Variants in CADPS2 observed in about 807,000 individuals in gnomAD.
CADPS2 encodes calcium dependent secretion activator 2, also known as calcium-dependent secretion activator 2.
Under a neutral mutation model 172.5 loss-of-function variants are expected in CADPS2, and 93 were observed. The ratio of observed to expected loss-of-function variants is 0.54; its 90% confidence interval spans 0.46 to 0.64. The LOEUF is 0.64. CADPS2 is among the 30% of genes least tolerant of loss of function. The pLI is 0.00. For synonymous variants in CADPS2, 546 were observed against 555.2 expected (o/e 0.98, Z 0.23); for missense variants, 1,420 against 1,565.9 (o/e 0.91, Z 1.57).
intron 2 of CADPS2, chr7:122,702,387 T>A: frequency 6.2e-7 from 1 of 1,613,812 alleles, no homozygotes; most frequent in Non-Finnish European, 8.5e-7. Context: ...TTTGCTCCCT[T>A]CTCTGCTGCC....
At chr7:122,697,665 T>C in intron 2 of CADPS2, 2 of 779,626 alleles carry the variant, frequency 2.6e-6, no homozygotes, top group South Asian at 2.2e-5. Flanking sequence ...ACAAAGAATG[T>C]ATAAAATTAC....
chr7:122,594,105 A>G (rs73218235), intron 6 of CADPS2, among the ~76,000 whole-genome samples: 31,753 of 151,924 alleles, frequency 0.21, 3,510 homozygotes, highest in East Asian at 0.36. Context: ...ATTTTTTATT[A>G]TGATGGAAAG....
intron 2 of CADPS2, among the ~76,000 whole-genome samples, chr7:122,666,352 T>TTTC (rs1305016350): frequency 6.6e-6 from 1 of 150,808 alleles, no homozygotes; most frequent in Non-Finnish European, 1.5e-5. Flanking sequence ...AACACTTTTT[T>TTTC]TTTTTTTTTG....
intron 3 of CADPS2, among the ~76,000 whole-genome samples, chr7:122,639,267 A>T (rs1268756285): frequency 7.2e-5 from 11 of 152,184 alleles, no homozygotes; most frequent in African/African-American, 1.2e-4. Context: ...TGAGTTTTTT[A>T]AATTTATTTT....
At chr7:122,413,872 A>C (rs2047591975) in intron 19 of CADPS2, among the ~76,000 whole-genome samples, 196 bp downstream of exon 19, 1 of 152,226 alleles carries the variant, frequency 6.6e-6, no homozygotes, top group Non-Finnish European at 1.5e-5. Flanking sequence ...GTAACTATGC[A>C]AGCAATTATT....
chr7:122,858,601 A>G (rs563287331), intron 1 of CADPS2, among the ~76,000 whole-genome samples: 2 of 152,284 alleles, frequency 1.3e-5, no homozygotes, highest in East Asian at 1.9e-4. Flanking sequence ...TTTAAAAGCC[A>G]TATGTGTTTC....
intron 3 of CADPS2, among the ~76,000 whole-genome samples, chr7:122,658,656 G>A (rs1421007720): frequency 1.3e-5 from 2 of 152,140 alleles, no homozygotes; most frequent in East Asian, 1.9e-4. Flanking sequence ...AACACCACAT[G>A]TTCTCACTCA....
At chr7:122,677,819 G>A (rs1025944319) in intron 2 of CADPS2, among the ~76,000 whole-genome samples, 16 of 152,108 alleles carry the variant, frequency 1.1e-4, no homozygotes, top group Non-Finnish European at 2.2e-4. Context: ...TGGCTCATTC[G>A]GCTGAGCTGG....
intron 6 of CADPS2, among the ~76,000 whole-genome samples, chr7:122,599,232 G>T (rs573890009): frequency 6.6e-6 from 1 of 152,170 alleles, no homozygotes; most frequent in African/African-American, 2.4e-5. Context: ...AAACGCAACA[G>T]AATTCCTGCT....
intron 1 of CADPS2, among the ~76,000 whole-genome samples, chr7:122,739,165 A>G (rs972210823): frequency 6.6e-6 from 1 of 152,166 alleles, no homozygotes; most frequent in Non-Finnish European, 1.5e-5. Flanking sequence ...TATAGTTACT[A>G]AGCTCTGGGA....
intron 2 of CADPS2, among the ~76,000 whole-genome samples, chr7:122,715,788 G>T (rs1056182965): frequency 1.3e-5 from 2 of 151,648 alleles, no homozygotes; most frequent in African/African-American, 4.8e-5. Flanking sequence ...CACATGGTCT[G>T]CCCCTAGTAA....
chr7:122,450,509 A>AGTATTGG (rs965726209), intron 15 of CADPS2, among the ~76,000 whole-genome samples: 5 of 139,028 alleles, frequency 3.6e-5, no homozygotes, highest in Non-Finnish European at 6.2e-5. Flanking sequence ...AATGTTTCTT[A>AGTATTGG]GTATTGGTGG....
intron 7 of CADPS2, among the ~76,000 whole-genome samples, chr7:122,559,188 A>G (rs1165942273): frequency 6.6e-6 from 1 of 152,114 alleles, no homozygotes; most frequent in Non-Finnish European, 1.5e-5. Context: ...AACACCTAAG[A>G]TTTATAAGGC....
chr7:122,664,960 T>G (rs1385760995), intron 2 of CADPS2, among the ~76,000 whole-genome samples: 1 of 70,756 alleles, frequency 1.4e-5, no homozygotes, highest in East Asian at 4.1e-4. Context: ...CTAGTTTTTG[T>G]ATTTTTTTTT....
intron 12 of CADPS2, among the ~76,000 whole-genome samples, chr7:122,475,059 C>A (rs1419563130): frequency 6.6e-6 from 1 of 152,120 alleles, no homozygotes; most frequent in Non-Finnish European, 1.5e-5. Flanking sequence ...AAAAAGGGAG[C>A]ATCATGTTTG....
At chr7:122,381,446 C>T (rs148556554) in intron 24 of CADPS2, among the ~76,000 whole-genome samples, 32 of 152,184 alleles carry the variant, frequency 2.1e-4, no homozygotes, top group Middle Eastern at 3.4e-3. Flanking sequence ...GCCTTATCCC[C>T]AATGTTTTTC....
chr7:122,411,366 G>T (rs530509018), intron 19 of CADPS2, among the ~76,000 whole-genome samples: 1 of 151,736 alleles, frequency 6.6e-6, no homozygotes, highest in Non-Finnish European at 1.5e-5. Flanking sequence ...GATTACAGGT[G>T]CCCACCACCA....
intron 1 of CADPS2, among the ~76,000 whole-genome samples, chr7:122,753,867 T>C (rs1363979459): frequency 1.3e-5 from 2 of 152,114 alleles, no homozygotes; most frequent in Admixed American, 1.3e-4. Flanking sequence ...GCCCAATCAA[T>C]ACACTGCAGG....
chr7:122,617,781 C>T (rs578247115), intron 5 of CADPS2, among the ~76,000 whole-genome samples: 5 of 152,126 alleles, frequency 3.3e-5, no homozygotes, highest in African/African-American at 7.2e-5. Context: ...CAGTGGCTCA[C>T]GCCTGTAATC....
Sources: allele counts gnomAD v4.1 joint callset (sites outside exome capture counted in the v4.1 genomes callset), GRCh38; gene constraint gnomAD v4.1.1; transcripts MANE v1.5; gene names NCBI Gene and HGNC (gene_info 2026-07-23, HGNC 2026-07-21).